CSMD3: variants seen among roughly 807,000 people sequenced by gnomAD.
CSMD3 encodes CUB and sushi domain-containing protein 3.
CSMD3 carries 177 observed loss-of-function variants against 435.2 expected under a neutral mutation model. The observed-to-expected ratio is 0.41, with a 90% confidence interval of 0.36 to 0.46. The LOEUF is 0.46. Among genes scored for constraint, CSMD3 ranks in the 20% least tolerant of loss-of-function variants. CSMD3 has a pLI of 0.34. For synonymous variants in CSMD3, 1,656 were observed against 1,520.5 expected, an observed-to-expected ratio of 1.09 and a Z score of -2.07; for missense variants, 4,265 against 4,504.6, an observed-to-expected ratio of 0.95 and a Z score of 1.52.
intron 32 of CSMD3, among the ~76,000 whole-genome samples, chr8:112,420,746 A>G (rs1355338365): frequency 6.6e-6 from 1 of 152,192 alleles, no homozygotes; most frequent in Non-Finnish European, 1.5e-5. Context: ...TTCAATTTGT[A>G]GGTTACCTCT....
At chr8:112,785,994 A>G (rs1173628115) in intron 13 of CSMD3, among the ~76,000 whole-genome samples, 8 of 152,060 alleles carry the variant, frequency 5.3e-5, no homozygotes, top group Admixed American at 5.3e-4. Context: ...AAAAGAACAA[A>G]TCTAGAGGAA....
intron 16 of CSMD3, among the ~76,000 whole-genome samples, chr8:112,677,494 T>A (rs556474936): frequency 6.7e-6 from 1 of 148,614 alleles, no homozygotes; most frequent in South Asian, 2.2e-4. Flanking sequence ...AGTTCCTGAG[T>A]CTGACTGAAA....
chr8:112,241,125 T>A (rs1213585131), intron 66 of CSMD3, among the ~76,000 whole-genome samples: 1 of 152,020 alleles, frequency 6.6e-6, no homozygotes, highest in Non-Finnish European at 1.5e-5. Context: ...AAGCTTATTA[T>A]ATAATTATTT....
In CSMD3 at chr8:112,976,077, T is replaced by C. The variant is rs1448490412; in HGVS notation, c.1102A>G (p.Ile368Val). The change falls in exon 7 of 71, where the codon ATT becomes GTT. Residue 368 changes from isoleucine to valine, a missense_variant. Coordinates refer to ENST00000297405, the MANE Select transcript of CSMD3 (RefSeq NM_198123.2). ...TCTGCAGGTGTGCTAGCAACAGCAA[T>C]AGCACCAGTGGTAGTCCTGTTATGC... ...EEHNRTTTGA[I>V]AVASTPADVT... 1.9e-6 allele frequency: 3 copies of C among 1,614,050 alleles called. No homozygotes were observed. Among genetic ancestry groups the C allele is most frequent in the Admixed American group, 1.7e-5 (1 of 59,990 alleles).
At chr8:113,318,786 A>G (rs921771494) in intron 1 of CSMD3, among the ~76,000 whole-genome samples, 3 of 140,066 alleles carry the variant, frequency 2.1e-5, no homozygotes, top group African/African-American at 2.7e-5. Flanking sequence ...GCTGAATAAG[A>G]TGTGTGTGTG....
At chr8:112,453,470 C>T (rs1193487230) in intron 32 of CSMD3, among the ~76,000 whole-genome samples, 2 of 152,008 alleles carry the variant, frequency 1.3e-5, no homozygotes, top group African/African-American at 2.4e-5. Context: ...ACACCAATAA[C>T]GTTCAAGCTG....
chr8:113,174,610 T>C (rs2092319599), intron 3 of CSMD3, among the ~76,000 whole-genome samples: 1 of 151,912 alleles, frequency 6.6e-6, no homozygotes, highest in South Asian at 2.1e-4. Context: ...ACTAAACAAG[T>C]ATACAAACAT....
intron 13 of CSMD3, among the ~76,000 whole-genome samples, chr8:112,716,857 A>T (rs987984848): frequency 2.0e-5 from 3 of 152,204 alleles, no homozygotes; most frequent in Admixed American, 1.3e-4. Context: ...TGGTGCTGGG[A>T]AAACTGGCTA....
chr8:112,354,994 C>T (rs759878605), intron 38 of CSMD3, among the ~76,000 whole-genome samples: 1 of 152,110 alleles, frequency 6.6e-6, no homozygotes, highest in Non-Finnish European at 1.5e-5. Context: ...GGTACTGGTA[C>T]AGAAACAGAC....
intron 27 of CSMD3, among the ~76,000 whole-genome samples, chr8:112,540,019 C>T (rs555304356): frequency 6.6e-6 from 1 of 151,764 alleles, no homozygotes; most frequent in Admixed American, 6.6e-5. Flanking sequence ...GGACTAATAA[C>T]CAGAATATAT....
intron 13 of CSMD3, among the ~76,000 whole-genome samples, chr8:112,707,669 T>C (rs957297569): frequency 1.0e-3 from 157 of 152,222 alleles, no homozygotes; most frequent in Non-Finnish European, 1.5e-3. Context: ...CTCTATTGTG[T>C]TTGTCTATCT....
At position 113,403,963 on chromosome 8, in the gene CSMD3, G is replaced by A. The variant is rs571014949; in HGVS notation, c.178+32714C>T. 3.3e-5 allele frequency among the ~76,000 whole-genome samples: 5 copies of A among 151,446 alleles called. No individual in the cohort carries two copies. In the South Asian group the frequency reaches 6.2e-4, roughly 19 times the overall value. ...GAGTGAAAAATTCAACCACCAAAAT[G>A]ATTCCAAAAACCAACTTAACAAAAT... On this transcript the variant is annotated intron_variant, in intron 1 of 70. Coordinates refer to ENST00000297405, the MANE Select transcript of CSMD3 (RefSeq NM_198123.2).
chr8:112,511,581 G>A (rs1317551841), intron 28 of CSMD3, among the ~76,000 whole-genome samples: 2 of 151,736 alleles, frequency 1.3e-5, no homozygotes, highest in African/African-American at 4.8e-5. Context: ...TAGTAGAGAC[G>A]GGGTTTCACC....
At position 112,378,561 on chromosome 8, in the gene CSMD3, A is replaced by T. The variant is rs578086430; in HGVS notation, c.6136+1791T>A. Reference sequence around the variant, plus strand: ...TTACGTTAAGTGAAATGAGCCAGGCATAGAAAAGGGATATTGCATATTCTC... The same window carrying T: ...TTACGTTAAGTGAAATGAGCCAGGCTTAGAAAAGGGATATTGCATATTCTC... On this transcript the variant is annotated intron_variant, in intron 38 of 70. Coordinates refer to ENST00000297405, the MANE Select transcript of CSMD3 (RefSeq NM_198123.2). 2.6e-5 allele frequency among the ~76,000 whole-genome samples: 4 copies of T among 152,314 alleles called. No homozygotes were observed. In the South Asian group the frequency reaches 8.3e-4, roughly 32 times the overall value.
chr8:112,569,882 T>C (rs1315799685), intron 24 of CSMD3, among the ~76,000 whole-genome samples: 1 of 152,194 alleles, frequency 6.6e-6, no homozygotes, highest in African/African-American at 2.4e-5. Flanking sequence ...TAATACGCCC[T>C]CCTTTATGAA....
At chr8:112,452,993 G>A (rs143121790) in intron 32 of CSMD3, among the ~76,000 whole-genome samples, 26 of 152,270 alleles carry the variant, frequency 1.7e-4, no homozygotes, top group Admixed American at 1.2e-3. Context: ...TGCAAATGGC[G>A]TGTACTGTGC....
intron 22 of CSMD3, among the ~76,000 whole-genome samples, chr8:112,619,707 G>A (rs1586820559): frequency 6.6e-6 from 1 of 152,036 alleles, no homozygotes; most frequent in East Asian, 1.9e-4. Context: ...CCCACCCAAA[G>A]GCATCACTCT....
At chr8:112,671,675 T>G (rs1019978435) in intron 16 of CSMD3, among the ~76,000 whole-genome samples, 2 of 152,118 alleles carry the variant, frequency 1.3e-5, no homozygotes, top group Non-Finnish European at 2.9e-5. Flanking sequence ...ATCAGAAACA[T>G]GGACTAGGTA....
rs71309788 is a variant in CSMD3 at position 112,747,962 on chromosome 8, C to CAAAAAAAAAAAAA, written c.1972+52187_1972+52199dup. ...TGGGCGACAGAACAAGACTCCGTCTCAAAAAAAAAAAAAAAAAAAAAAAAC... is the reference window on the plus strand; with the variant it reads ...TGGGCGACAGAACAAGACTCCGTCTCAAAAAAAAAAAAAAAAAAAAAAAAAAAAAAAAAAAAAC... On this transcript the variant is annotated intron_variant, in intron 13 of 70. Coordinates refer to ENST00000297405, the MANE Select transcript of CSMD3 (RefSeq NM_198123.2). Among the ~76,000 whole-genome samples, 39 of 96,744 alleles carry CAAAAAAAAAAAAA rather than the reference C, an allele frequency of 4.0e-4. 1 individual carries two copies. The East Asian group carries it at 6.8e-3, about 17-fold the overall frequency. 63.5% of individuals were successfully genotyped at this position (96,744 alleles called of 152,430 possible).
Sources: allele counts gnomAD v4.1 joint callset (sites outside exome capture counted in the v4.1 genomes callset), GRCh38; gene constraint gnomAD v4.1.1; transcripts MANE v1.5; gene names NCBI Gene and HGNC (gene_info 2026-07-23, HGNC 2026-07-21).